OR1J2: variants seen among roughly 807,000 people sequenced by gnomAD.
OR1J2 encodes olfactory receptor family 1 subfamily J member 2, also known as olfactory receptor 1J2.
For missense variants in OR1J2, 304 were observed against 246.1 expected, an observed-to-expected ratio of 1.24 and a Z score of -1.57; for synonymous variants, 142 against 99.7, an observed-to-expected ratio of 1.42 and a Z score of -2.52.
the OR1J2 span, among the ~76,000 whole-genome samples, chr9:122,479,132 C>G: frequency 2.0e-5 from 3 of 152,194 alleles, no homozygotes; most frequent in Non-Finnish European, 4.4e-5. Flanking sequence ...CCTCCAGGCT[C>G]AACCACACAT....
chr9:122,530,730 G>A, the OR1J2 span, among the ~76,000 whole-genome samples: 1 of 152,140 alleles, frequency 6.6e-6, no homozygotes, highest in Non-Finnish European at 1.5e-5. Flanking sequence ...ATAGGAGTGG[G>A]GCCGTTTTAT....
the OR1J2 span, chr9:122,449,039 C>T: frequency 4.0e-5 from 6 of 148,436 alleles, no homozygotes; most frequent in Non-Finnish European, 5.9e-5. Context: ...AACAAGATGA[C>T]GTTTCTGCAA....
chr9:122,527,143 G>C, the OR1J2 span: 10 of 1,614,088 alleles, frequency 6.2e-6, no homozygotes, highest in African/African-American at 1.3e-5. Context: ...TGGAGGTGCA[G>C]GTCAGAGCCA....
the OR1J2 span, among the ~76,000 whole-genome samples, chr9:122,494,200 T>G: frequency 1.3e-5 from 2 of 152,180 alleles, no homozygotes; most frequent in Admixed American, 6.5e-5. Context: ...TAAGTCCATT[T>G]GTTTTGCGGT....
chr9:122,571,077 T>C, the OR1J2 span, among the ~76,000 whole-genome samples: 541 of 152,326 alleles, frequency 3.6e-3, 7 homozygotes, highest in African/African-American at 0.012. Flanking sequence ...CTCACTCTGA[T>C]AAATTTCTAC....
chr9:122,533,003 C>T, the OR1J2 span, among the ~76,000 whole-genome samples: 31,395 of 151,498 alleles, frequency 0.21, 3,573 homozygotes, highest in Middle Eastern at 0.29. Context: ...TCTGTGAAGG[C>T]TTGCGGCAGT....
the OR1J2 span, among the ~76,000 whole-genome samples, chr9:122,560,973 T>C: frequency 2.0e-5 from 3 of 152,224 alleles, no homozygotes; most frequent in African/African-American, 2.4e-5. Context: ...CAATCAATCA[T>C]AGGTTCTGCC....
the OR1J2 span, among the ~76,000 whole-genome samples, chr9:122,481,933 C>T: frequency 6.6e-6 from 1 of 152,014 alleles, no homozygotes; most frequent in Non-Finnish European, 1.5e-5. Flanking sequence ...AGGGGAAATG[C>T]TTCATGACAT....
chr9:122,451,846 C>T, the OR1J2 span, among the ~76,000 whole-genome samples: 2 of 152,112 alleles, frequency 1.3e-5, no homozygotes, highest in Admixed American at 6.5e-5. Context: ...TCCCTCTGGT[C>T]TGGGGGCATA....
chr9:122,529,655 A>T, the OR1J2 span, among the ~76,000 whole-genome samples: 27 of 152,186 alleles, frequency 1.8e-4, no homozygotes, highest in African/African-American at 3.4e-4. Context: ...CCTTCATCCT[A>T]TCTATGGCCT....
chr9:122,449,065 T>C, the OR1J2 span: 2 of 146,786 alleles, frequency 1.4e-5, no homozygotes, highest in Non-Finnish European at 3.0e-5. Flanking sequence ...GTATACAAAA[T>C]CAGTGGGAAG....
the OR1J2 span, chr9:122,527,301 C>T: frequency 3.2e-6 from 5 of 1,575,888 alleles, no homozygotes; most frequent in Non-Finnish European, 4.3e-6. Context: ...CATGACTCTG[C>T]AGCATCTGGA....
the OR1J2 span, chr9:122,519,684 G>T: frequency 6.2e-7 from 1 of 1,614,048 alleles, no homozygotes; most frequent in Non-Finnish European, 8.5e-7. Context: ...CTGTGATCTT[G>T]TTGCCCTACT....
the OR1J2 span, chr9:122,527,268 T>A: frequency 1.9e-6 from 3 of 1,610,566 alleles, no homozygotes; most frequent in Non-Finnish European, 2.5e-6. Context: ...GAGGAAAAAT[T>A]CAGAAATGCT....
chr9:122,570,478 TGTAA>T, the OR1J2 span, among the ~76,000 whole-genome samples: 1 of 152,264 alleles, frequency 6.6e-6, no homozygotes, highest in African/African-American at 2.4e-5. Flanking sequence ...ACATTTTTCT[TGTAA>T]GTTACTAAAC....
the OR1J2 span, among the ~76,000 whole-genome samples, chr9:122,502,002 T>TGTACATGAACCCGGTACAAA: frequency 6.6e-6 from 1 of 152,188 alleles, no homozygotes; most frequent in Admixed American, 6.5e-5. Context: ...ATGTATGAAC[T>TGTACATGAACCCGGTACAAA]CCTGTCTGTT....
At chr9:122,567,816 C>T in the OR1J2 span, 72 of 1,613,922 alleles carry the variant, frequency 4.5e-5, no homozygotes, top group South Asian at 3.6e-4. Context: ...AGTGAGGATT[C>T]GTATATAAGA....
chr9:122,484,949 G>T, the OR1J2 span, among the ~76,000 whole-genome samples: 1 of 152,084 alleles, frequency 6.6e-6, no homozygotes, highest in South Asian at 2.1e-4. Context: ...TGGGAGGGTC[G>T]CTTGAGCTCG....
chr9:122,475,514 G>A, the OR1J2 span, among the ~76,000 whole-genome samples: 2 of 152,158 alleles, frequency 1.3e-5, no homozygotes, highest in Admixed American at 6.5e-5. Flanking sequence ...GGTTCACTAT[G>A]CAGCTTTCTC....
Sources: allele counts gnomAD v4.1 joint callset (sites outside exome capture counted in the v4.1 genomes callset), GRCh38; gene constraint gnomAD v4.1.1; transcripts MANE v1.5; gene names NCBI Gene and HGNC (gene_info 2026-07-23, HGNC 2026-07-21).